The following MTCH2 variants were observed in gnomAD, a reference collection of about 807,000 sequenced individuals.
MTCH2 encodes the protein mitochondrial carrier 2.
A neutral mutation model predicts 50.6 loss-of-function variants in MTCH2; 25 were observed. The observed-to-expected ratio is 0.49, with a 90% CI of 0.36 to 0.69. MTCH2 has a LOEUF of 0.69. Ranked by LOEUF, MTCH2 falls within the 30% of genes least tolerant of loss-of-function variation. The pLI, the probability that MTCH2 is intolerant of heterozygous loss-of-function variation, is 0.00. For synonymous variants in MTCH2, 106 were observed against 132.0 expected (o/e 0.80, Z 1.35); for missense variants, 273 against 384.4 (o/e 0.71, Z 2.42).
At chr11:47,633,526 A>ATATTTTTT (rs1378774715) in intron 5 of MTCH2, among the ~76,000 whole-genome samples, 8 of 35,078 alleles carry the variant, frequency 2.3e-4, no homozygotes, top group African/African-American at 6.6e-4. Flanking sequence ...ATATATATAT[A>ATATTTTTT]TTTTTTTTTT....
downstream of MTCH2, among the ~76,000 whole-genome samples, chr11:47,617,052 T>C (rs1302448268): frequency 6.6e-6 from 1 of 152,200 alleles, no homozygotes; most frequent in Admixed American, 6.5e-5. Context: ...TTTATGTTAG[T>C]AGCTTATAGT....
At chr11:47,604,621 G>A in the MTCH2 span, among the ~76,000 whole-genome samples, 4 of 152,106 alleles carry the variant, frequency 2.6e-5, no homozygotes, top group African/African-American at 7.2e-5. Flanking sequence ...GTTTGTAATA[G>A]CAAAATACTG....
intron 8 of MTCH2, among the ~76,000 whole-genome samples, chr11:47,629,607 A>G (rs530027271): frequency 1.8e-4 from 27 of 152,284 alleles, no homozygotes; most frequent in African/African-American, 6.5e-4. Flanking sequence ...TCCAGCACTC[A>G]GCAGCGATGT....
downstream of MTCH2, among the ~76,000 whole-genome samples, chr11:47,613,666 C>G (rs144577800): frequency 2.6e-5 from 4 of 152,084 alleles, no homozygotes; most frequent in Admixed American, 1.3e-4. Flanking sequence ...CAGTTGTTTC[C>G]GCTATTTATA....
chr11:47,629,966 T>C (rs912477433), intron 8 of MTCH2, among the ~76,000 whole-genome samples: 1 of 152,190 alleles, frequency 6.6e-6, no homozygotes, highest in African/African-American at 2.4e-5. Context: ...GGGAGTTTAC[T>C]ACAAGGGTAG....
chr11:47,642,278 G>C, intron 1 of MTCH2, 101 bp downstream of exon 1: 1 of 1,002,224 alleles, frequency 1.0e-6, no homozygotes, highest in Non-Finnish European at 1.5e-6. Flanking sequence ...AGCATCTCGG[G>C]AGAATGAAAG....
At chr11:47,613,634 T>C (rs1443590536), downstream of MTCH2, among the ~76,000 whole-genome samples, 2 of 152,208 alleles carry the variant, frequency 1.3e-5, no homozygotes, top group African/African-American at 4.8e-5. Context: ...TCTAGAAAAG[T>C]AATGGTGATC....
At chr11:47,637,451 C>T (rs988595415) in intron 3 of MTCH2, among the ~76,000 whole-genome samples, 1 of 152,076 alleles carries the variant, frequency 6.6e-6, no homozygotes, top group Non-Finnish European at 1.5e-5. Flanking sequence ...GAGCTGAAAT[C>T]GCCTCACTTT....
downstream of MTCH2, among the ~76,000 whole-genome samples, chr11:47,616,672 CTTTT>C (rs1238307644): frequency 6.9e-4 from 102 of 148,070 alleles, 1 homozygote; most frequent in African/African-American, 2.4e-3. Context: ...GCATGTGTTT[CTTTT>C]TTTTTCTTTT....
In MTCH2 at chr11:47,618,370, A is replaced by G. The variant is rs2097290008; in HGVS notation, c.*463T>C. On this transcript the variant is annotated 3_prime_UTR_variant, in exon 13 of 13. Coordinates refer to ENST00000302503, the MANE Select transcript of MTCH2 (RefSeq NM_014342.4). ...TGCTTAGAAGCATAATGGGAGTCAG[A>G]TTCTGGTGCATGCTACTGACATTTT... is the stretch of plus-strand genomic sequence containing the variant. The G allele has an allele frequency of 4.7e-6, 1 of 213,492 alleles. No homozygotes were observed. Among genetic ancestry groups the G allele is most frequent in the Non-Finnish European group, 9.2e-6 (1 of 108,712 alleles). 13.2% of individuals were successfully genotyped at this position (213,492 alleles called of 1,614,324 possible). A position where few individuals can be genotyped will look rare whatever the true frequency, so the allele number is the denominator to read the frequency against.
intron 3 of MTCH2, among the ~76,000 whole-genome samples, chr11:47,636,764 AAAAGGG>A (rs2097308985): frequency 6.6e-6 from 1 of 151,768 alleles, no homozygotes; most frequent in African/African-American, 2.4e-5. Context: ...CCAAAAAACG[AAAAGGG>A]AACATGCGCA....
At chr11:47,609,291 C>A in the MTCH2 span, among the ~76,000 whole-genome samples, 94 of 151,210 alleles carry the variant, frequency 6.2e-4, 5 homozygotes, top group East Asian at 0.017. Context: ...CCCGTCTCTA[C>A]TAAAAATACA....
At chr11:47,630,436 C>T (rs936652687) in intron 8 of MTCH2, 119 bp downstream of exon 8, 20 of 881,400 alleles carry the variant, frequency 2.3e-5, no homozygotes, top group Admixed American at 4.4e-5. Context: ...TAGAATGTAA[C>T]GTGAGGTAAG....
Position 47,631,028 on chromosome 11 carries a change from A to G in MTCH2, c.479+8T>C. ...TCTCCTTGAGTATGTGAAAACAAAA[A>G]TACTTACCAGTACTTGGATTCTCTG... On this transcript the variant is annotated splice_region_variant and intron_variant, in intron 7 of 12. Coordinates refer to ENST00000302503, the MANE Select transcript of MTCH2 (RefSeq NM_014342.4). 1 of 1,607,518 alleles carries G rather than the reference A, an allele frequency of 6.2e-7. No homozygotes were observed. Among genetic ancestry groups the G allele is most frequent in the South Asian group, 1.1e-5 (1 of 90,908 alleles).
At chr11:47,632,717 G>C (rs1257880335) in intron 5 of MTCH2, among the ~76,000 whole-genome samples, 2 of 146,876 alleles carry the variant, frequency 1.4e-5, no homozygotes, top group Non-Finnish European at 3.0e-5. Flanking sequence ...CTTTTTTTTT[G>C]AGACAGAGTC....
chr11:47,610,244 T>TAAGA, the MTCH2 span, among the ~76,000 whole-genome samples: 2 of 152,310 alleles, frequency 1.3e-5, no homozygotes, highest in South Asian at 4.1e-4. Flanking sequence ...GTTAGGACAG[T>TAAGA]AAGAGATGCA....
At chr11:47,636,777 C>T (rs908426575) in intron 3 of MTCH2, among the ~76,000 whole-genome samples, 1 of 151,674 alleles carries the variant, frequency 6.6e-6, no homozygotes. Flanking sequence ...AGGGAACATG[C>T]GCAGTGACTC....
chr11:47,608,517 C>G, the MTCH2 span, among the ~76,000 whole-genome samples: 1 of 152,166 alleles, frequency 6.6e-6, no homozygotes, highest in African/African-American at 2.4e-5. Context: ...AGCCCTGTCT[C>G]TCAGCTCAGC....
chr11:47,626,660 C>T (rs1030442610), intron 10 of MTCH2, among the ~76,000 whole-genome samples: 22 of 151,564 alleles, frequency 1.5e-4, no homozygotes, highest in African/African-American at 4.8e-4. Context: ...TCGCCCAGGC[C>T]GAAGTGCAGT....
Sources: gnomAD v4.1 joint callset for allele counts (sites outside exome capture counted in the v4.1 genomes callset) on GRCh38, gnomAD v4.1.1 for gene constraint, MANE v1.5 for transcripts, NCBI Gene and HGNC (gene_info 2026-07-23, HGNC 2026-07-21) for gene names.